Variants in WHRN observed in about 807,000 individuals in gnomAD.
WHRN encodes the protein CASK-interacting protein CIP98.
In WHRN, 41 loss-of-function variants were observed where a neutral mutation model predicts 68.3. The ratio of observed to expected loss-of-function variants is 0.60; its 90% CI spans 0.47 to 0.78. The LOEUF (loss-of-function observed/expected upper bound fraction) is 0.78. Ranked by LOEUF, WHRN falls within the 30% of genes least tolerant of loss-of-function variation. The pLI is 0.00. For synonymous variants in WHRN, 560 were observed against 561.3 expected (o/e 1.00, Z 0.03); for missense variants, 1,243 against 1,244.7 (o/e 1.00, Z 0.02).
At position 114,426,225 on chromosome 9, in the gene WHRN, C is replaced by A. The variant is rs751643948; in HGVS notation, c.1152G>T (p.Met384Ile). ...AGTGGCCAGACCCTGCCGAGTTCGCCATGGTCTCCCTGATCCGGGAACTGG... is the reference window on the plus strand; with the variant it reads ...AGTGGCCAGACCCTGCCGAGTTCGCAATGGTCTCCCTGATCCGGGAACTGG... ...WIASSRIRET[M>I]ANSAGFLGDL... is the part of the protein sequence containing the mutation. The change falls in exon 4 of 12, where the codon ATG (methionine) becomes ATT (isoleucine). Residue 384 changes from methionine to isoleucine, a missense_variant. Physicochemically the swap from Met to Ile is conservative, Grantham distance 10. Transcript: ENST00000362057. 6.2e-7 allele frequency: 1 copy of A among 1,612,394 alleles called. No homozygotes were observed. Among genetic ancestry groups the A allele is most frequent in the South Asian group, 1.1e-5 (1 of 91,000 alleles).
chr9:114,451,166 G>A (rs1435542362), intron 3 of WHRN, among the ~76,000 whole-genome samples: 3 of 152,180 alleles, frequency 2.0e-5, no homozygotes, highest in Admixed American at 2.0e-4. Context: ...AGAAAAACGT[G>A]GGCAAAGCCC....
At chr9:114,473,653 T>C (rs1202635308) in intron 2 of WHRN, among the ~76,000 whole-genome samples, 1 of 152,252 alleles carries the variant, frequency 6.6e-6, no homozygotes, top group African/African-American at 2.4e-5. Flanking sequence ...GCTGTGCTTC[T>C]ATCACTCTGG....
chr9:114,426,286 T>G lies in WHRN; in HGVS notation c.1091A>C (p.His364Pro), dbSNP rs10817610. The change falls in exon 4 of 12, where the codon CAT becomes CCT. Residue 364 changes from histidine to proline, a missense_variant. His to Pro is a moderately conservative substitution (Grantham distance 77, BLOSUM62 -2). Transcript: ENST00000362057. ...GGTCTCGTCCACAGTGGTGCGGGCA[T>G]GGGGCAGCCTCCCGACGTCCTTCAC... is the stretch of plus-strand genomic sequence containing the variant. ...LTVKDVGRLPHARTTVDETKW... is the reference protein window; with the variant it reads ...LTVKDVGRLPPARTTVDETKW... 2 of 1,613,430 alleles carry G rather than the reference T, an allele frequency of 1.2e-6. No homozygotes were observed. The highest frequency in any genetic ancestry group is 1.7e-6 in the Non-Finnish European group (2 of 1,180,032).
intron 3 of WHRN, among the ~76,000 whole-genome samples, chr9:114,436,853 T>C (rs907026464): frequency 1.3e-5 from 2 of 151,804 alleles, no homozygotes; most frequent in Non-Finnish European, 2.9e-5. Context: ...ATAAAATAAA[T>C]AAATCAATTT....
intron 1 of WHRN, among the ~76,000 whole-genome samples, chr9:114,494,051 G>A (rs1843239258): frequency 6.6e-6 from 1 of 152,196 alleles, no homozygotes; most frequent in South Asian, 2.1e-4. Flanking sequence ...GCCCCTGACT[G>A]TGTGCCCGTG....
At chr9:114,457,397 G>A (rs1265280364) in intron 3 of WHRN, among the ~76,000 whole-genome samples, 1 of 152,066 alleles carries the variant, frequency 6.6e-6, no homozygotes, top group African/African-American at 2.4e-5. Flanking sequence ...TATAGGCAAA[G>A]GAGAATAAAA....
chr9:114,426,103 T>C (rs1446096063), intron 4 of WHRN, 108 bp downstream of exon 4: 1 of 1,444,502 alleles, frequency 6.9e-7, no homozygotes, highest in Non-Finnish European at 9.6e-7. Context: ...GTGTGGGGAC[T>C]GCAGGCTGAG....
At position 114,504,976 on chromosome 9, in the gene WHRN, C is replaced by G. The variant is rs1844279767; in HGVS notation, c.-175G>C. 10 of 977,514 alleles carry G rather than the reference C, an allele frequency of 1.0e-5. No homozygotes were observed. The highest frequency in any genetic ancestry group is 1.3e-5 in the Non-Finnish European group (10 of 743,404). The allele number at this position is 977,514 out of a possible 1,614,324, so 60.6% of individuals were successfully genotyped here. The stretch of plus-strand genomic sequence containing the variant: ...TCCTAGGGGGTCGCGGAGACCGCTG[C>G]TAGAGTCCCGGAGGCGCGAAGACGG... On this transcript the variant is annotated 5_prime_UTR_variant, in exon 1 of 12. Coordinates refer to ENST00000362057, the MANE Select transcript of WHRN (RefSeq NM_015404.4).
At chr9:114,488,338 A>G (rs1842704892) in intron 1 of WHRN, among the ~76,000 whole-genome samples, 1 of 152,204 alleles carries the variant, frequency 6.6e-6, no homozygotes. Context: ...GCAAAATTAC[A>G]GCGATGATGC....
chr9:114,455,441 C>A (rs1839698843), intron 3 of WHRN, among the ~76,000 whole-genome samples: 2 of 152,152 alleles, frequency 1.3e-5, no homozygotes, highest in Non-Finnish European at 2.9e-5. Flanking sequence ...TATTTTCCAG[C>A]CAGGCATAGT....
chr9:114,437,497 C>A (rs1005274990), intron 3 of WHRN, among the ~76,000 whole-genome samples: 4 of 152,228 alleles, frequency 2.6e-5, no homozygotes, highest in South Asian at 4.2e-4. Flanking sequence ...TGTGTCCCCC[C>A]CCAAATTCCT....
At chr9:114,454,663 C>T (rs1839618432) in intron 3 of WHRN, among the ~76,000 whole-genome samples, 1 of 149,352 alleles carries the variant, frequency 6.7e-6, no homozygotes, top group African/African-American at 2.5e-5. Flanking sequence ...CAACACAATT[C>T]CAATTCCAAT....
chr9:114,459,488 G>C (rs1483111390), intron 3 of WHRN, among the ~76,000 whole-genome samples: 1 of 152,078 alleles, frequency 6.6e-6, no homozygotes, highest in Non-Finnish European at 1.5e-5. Flanking sequence ...CTACCTCCTA[G>C]AGCTGGGTAG....
rs560630096 is a variant in WHRN, at chr9:114,486,314, G to C, written c.619-7543C>G. ...CCACGACCTCCAGAAAAGCTTCCCA[G>C]ATTGTGGCTGACTCTGTCCTCCAAG... On this transcript the variant is annotated intron_variant, in intron 1 of 11. Coordinates refer to ENST00000362057, the MANE Select transcript of WHRN (RefSeq NM_015404.4). Among the ~76,000 whole-genome samples the C allele has an allele frequency of 3.9e-5, 6 of 152,282 alleles. No homozygotes were observed. In the South Asian group the frequency reaches 1.2e-3, roughly 32 times the overall value.
At chr9:114,452,665 G>T (rs1372225769) in intron 3 of WHRN, among the ~76,000 whole-genome samples, 1 of 152,232 alleles carries the variant, frequency 6.6e-6, no homozygotes, top group Admixed American at 6.5e-5. Context: ...AGAGATGCTT[G>T]CCTTTGGGCT....
chr9:114,473,435 G>A (rs1276035803), intron 2 of WHRN, among the ~76,000 whole-genome samples: 3 of 152,204 alleles, frequency 2.0e-5, no homozygotes, highest in Non-Finnish European at 2.9e-5. Flanking sequence ...ATAAGCCTGA[G>A]ATATGAGCCT....
rs561789741 is a variant in WHRN, at chr9:114,443,123, G to A, written c.964-16710C>T. On this transcript the variant is annotated intron_variant, in intron 3 of 11. Transcript: ENST00000362057. Reference sequence around the variant, plus strand: ...ACCAAGAAGAAAGCAGTACTGTTGCGGCCAGCACCAAACAATGGAAGAATA... The same window carrying A: ...ACCAAGAAGAAAGCAGTACTGTTGCAGCCAGCACCAAACAATGGAAGAATA... Among the ~76,000 whole-genome samples the A allele has an allele frequency of 7.6e-4, 116 of 152,240 alleles. 1 individual carries two copies. In the South Asian group the frequency reaches 7.7e-3, roughly 10 times the overall value.
At chr9:114,430,378 T>C (rs145471487) in intron 3 of WHRN, among the ~76,000 whole-genome samples, 10 of 152,316 alleles carry the variant, frequency 6.6e-5, no homozygotes, top group Admixed American at 5.9e-4. Context: ...AAAAAACATA[T>C]TCATTGTTTA....
At chr9:114,403,158 C>T (rs1834790690) in intron 11 of WHRN, 59 bp downstream of exon 11, 3 of 1,610,354 alleles carry the variant, frequency 1.9e-6, no homozygotes, top group Non-Finnish European at 2.5e-6. Flanking sequence ...CCTGGAGATG[C>T]TGAGAAAGGG....
Sources: gnomAD v4.1 joint callset for allele counts (sites outside exome capture counted in the v4.1 genomes callset) on GRCh38, gnomAD v4.1.1 for gene constraint, MANE v1.5 for transcripts, NCBI Gene and HGNC (gene_info 2026-07-23, HGNC 2026-07-21) for gene names.